Variants in SHANK2 observed in about 807,000 individuals in gnomAD.
The protein encoded by SHANK2 is SH3 and multiple ankyrin repeat domains 2.
In SHANK2, 43 loss-of-function variants were observed where a neutral mutation model predicts 133.7. The observed-to-expected ratio is 0.32, with a 90% CI of 0.25 to 0.41. SHANK2 has a LOEUF of 0.41. Ranked by LOEUF, SHANK2 falls within the 10% of genes least tolerant of loss-of-function variation. SHANK2 has a pLI of 1.00. For synonymous variants in SHANK2, 1,017 were observed against 952.8 expected, an observed-to-expected ratio of 1.07 and a Z score of -1.24; for missense variants, 1,994 against 2,235.8, an observed-to-expected ratio of 0.89 and a Z score of 2.18.
intron 17 of SHANK2, among the ~76,000 whole-genome samples, chr11:70,642,984 G>A (rs1231238789): frequency 6.6e-6 from 1 of 152,174 alleles, no homozygotes; most frequent in African/African-American, 2.4e-5. Flanking sequence ...TGGAGGTGAC[G>A]ACATCGCAGT....
intron 2 of SHANK2, among the ~76,000 whole-genome samples, chr11:71,186,613 C>A (rs932173481): frequency 6.6e-6 from 1 of 152,210 alleles, no homozygotes; most frequent in African/African-American, 2.4e-5. Flanking sequence ...TTAGAGGGGT[C>A]ATAAGAGACC....
chr11:70,718,444 C>T (rs1204386366), intron 14 of SHANK2, among the ~76,000 whole-genome samples: 4 of 150,570 alleles, frequency 2.7e-5, no homozygotes, highest in African/African-American at 7.4e-5. Context: ...CTTAGCGGGG[C>T]TTGGGGCATC....
chr11:70,626,496 C>T (rs1555000002), intron 17 of SHANK2, among the ~76,000 whole-genome samples: 5 of 152,186 alleles, frequency 3.3e-5, no homozygotes. Flanking sequence ...AGGTGGCAAG[C>T]TTTACGCCAC....
intron 2 of SHANK2, among the ~76,000 whole-genome samples, chr11:71,201,543 G>A (rs1473576374): frequency 6.6e-6 from 1 of 152,246 alleles, no homozygotes; most frequent in Non-Finnish European, 1.5e-5. Flanking sequence ...CACAGCAGGG[G>A]CTCGTGAGTG....
intron 2 of SHANK2, among the ~76,000 whole-genome samples, chr11:71,168,890 T>C (rs1227637000): frequency 6.6e-6 from 1 of 152,080 alleles, no homozygotes; most frequent in African/African-American, 2.4e-5. Context: ...CTAGGGACCA[T>C]TTGACAACAC....
At chr11:70,638,490 T>C (rs2061135562) in intron 17 of SHANK2, among the ~76,000 whole-genome samples, 1 of 152,194 alleles carries the variant, frequency 6.6e-6, no homozygotes, top group South Asian at 2.1e-4. Context: ...GCTCCTCTGA[T>C]CCTCTCTGCT....
At chr11:71,222,541 C>A (rs991503118) in intron 2 of SHANK2, among the ~76,000 whole-genome samples, 7 of 152,232 alleles carry the variant, frequency 4.6e-5, no homozygotes, top group Non-Finnish European at 1.0e-4. Flanking sequence ...TGGCCGGACG[C>A]AGGCGCCTTC....
chr11:71,244,146 T>C (rs986023480), intron 1 of SHANK2, among the ~76,000 whole-genome samples: 8 of 152,302 alleles, frequency 5.3e-5, no homozygotes, highest in African/African-American at 1.7e-4. Context: ...ACTCTATAAA[T>C]TGGCCAGGCT....
At chr11:70,613,394 A>G (rs1320306600) in intron 17 of SHANK2, among the ~76,000 whole-genome samples, 9 of 152,052 alleles carry the variant, frequency 5.9e-5, no homozygotes, top group African/African-American at 2.2e-4. Flanking sequence ...TAGTAGAGAC[A>G]GGGTTTCACC....
chr11:71,085,913 A>G, intron 8 of SHANK2, among the ~76,000 whole-genome samples: 2 of 6,260 alleles, frequency 3.2e-4, no homozygotes, highest in African/African-American at 2.9e-3. Flanking sequence ...TTATATATTA[A>G]TATAACATAA....
At position 70,596,311 on chromosome 11, in the gene SHANK2, C is replaced by T. The variant is rs527264520; in HGVS notation, c.2061+63517G>A. On this transcript the variant is annotated intron_variant, in intron 17 of 25. Coordinates refer to ENST00000601538, the MANE Select transcript of SHANK2 (RefSeq NM_012309.5). The stretch of plus-strand genomic sequence containing the variant: ...CTTCAATTCCCACAGGCAGACCTGG[C>T]GCCTGGGAACCAAGAGGGGAGGGGC... Among the ~76,000 whole-genome samples, 104 of 152,282 alleles carry T rather than the reference C, an allele frequency of 6.8e-4. 2 individuals are homozygous for T. Among genetic ancestry groups the T allele is most frequent in the South Asian group, 4.8e-3 (23 of 4,826 alleles).
chr11:70,491,613 G>T (rs1555155846), intron 22 of SHANK2, among the ~76,000 whole-genome samples: 1 of 152,272 alleles, frequency 6.6e-6, no homozygotes. Context: ...GGTTCAAAGA[G>T]AATACTAAGG....
At chr11:71,199,094 A>C (rs1383392857) in intron 2 of SHANK2, among the ~76,000 whole-genome samples, 1 of 152,188 alleles carries the variant, frequency 6.6e-6, no homozygotes, top group Non-Finnish European at 1.5e-5. Flanking sequence ...CCCCCCAAGA[A>C]GGTCCAGAGA....
intron 12 of SHANK2, among the ~76,000 whole-genome samples, chr11:70,814,600 A>G (rs1555053880): frequency 6.6e-6 from 1 of 152,222 alleles, no homozygotes; most frequent in Non-Finnish European, 1.5e-5. Context: ...AGTTTCAGGA[A>G]AACAGAGGCC....
In SHANK2 at chr11:71,109,976, C is replaced by T. The variant is rs782170131; in HGVS notation, c.557G>A (p.Gly186Asp). ...CGGGTCGTGGAAATTGGGATCCAGGCCTCGGTCCAGCATCTTGGTGATCTT... is the reference window on the plus strand; with the variant it reads ...CGGGTCGTGGAAATTGGGATCCAGGTCTCGGTCCAGCATCTTGGTGATCTT... Reference protein sequence around the residue: ...VEKITKMLDRGLDPNFHDPET... With the variant: ...VEKITKMLDRDLDPNFHDPET... Residue 186 changes from glycine (G) to aspartate (D), a missense_variant, in exon 6 of 26, where the codon GGC (glycine) becomes GAC (aspartate). Gly to Asp is a moderately conservative substitution (Grantham distance 94, BLOSUM62 -1). Coordinates refer to ENST00000601538, the MANE Select transcript of SHANK2 (RefSeq NM_012309.5). 3.2e-6 allele frequency: 5 copies of T among 1,551,710 alleles called. No individual in the cohort carries two copies. The highest frequency in any genetic ancestry group is 3.5e-6 in the Non-Finnish European group (4 of 1,146,950).
At chr11:71,087,502 G>C (rs1479454978) in intron 8 of SHANK2, among the ~76,000 whole-genome samples, 2 of 152,156 alleles carry the variant, frequency 1.3e-5, no homozygotes, top group Non-Finnish European at 2.9e-5. Context: ...AGCTCAACAG[G>C]AAAACAGCAA....
At chr11:70,537,511 G>A (rs1554974356) in intron 17 of SHANK2, among the ~76,000 whole-genome samples, 1 of 152,220 alleles carries the variant, frequency 6.6e-6, no homozygotes, top group African/African-American at 2.4e-5. Context: ...AACGCTGGGA[G>A]CCCCCAGAAG....
chr11:70,925,592 T>C (rs782150422), intron 10 of SHANK2, among the ~76,000 whole-genome samples: 12 of 152,182 alleles, frequency 7.9e-5, no homozygotes, highest in African/African-American at 1.4e-4. Context: ...TAGGTTAAAA[T>C]ATAAAAGCAA....
At position 70,558,049 on chromosome 11, in the gene SHANK2, G is replaced by T. The variant is rs978714363; in HGVS notation, c.2062-55118C>A. Reference sequence around the variant, plus strand: ...GGAAATGCCAGGGGAGAAGGGAGAGGAGGCGAGACCGTGAGGGGGCCCGGG... The same window carrying T: ...GGAAATGCCAGGGGAGAAGGGAGAGTAGGCGAGACCGTGAGGGGGCCCGGG... On this transcript the variant is annotated intron_variant, in intron 17 of 25. Coordinates refer to ENST00000601538, the MANE Select transcript of SHANK2 (RefSeq NM_012309.5). Among the ~76,000 whole-genome samples the T allele has an allele frequency of 2.0e-4, 31 of 152,238 alleles. 1 individual carries two copies. The highest frequency in any genetic ancestry group is 6.5e-5 in the Admixed American group (1 of 15,284).
Sources: gnomAD v4.1 joint callset for allele counts (sites outside exome capture counted in the v4.1 genomes callset) on GRCh38, gnomAD v4.1.1 for gene constraint, MANE v1.5 for transcripts, NCBI Gene and HGNC (gene_info 2026-07-23, HGNC 2026-07-21) for gene names.